The following PPP4R1 variants were observed in gnomAD, a reference collection of about 807,000 sequenced individuals.
The protein encoded by PPP4R1 is protein phosphatase 4 regulatory subunit 1, also known as serine/threonine-protein phosphatase 4 regulatory subunit 1.
Under a neutral mutation model 111.2 loss-of-function variants are expected in PPP4R1, and 42 were observed. The observed-to-expected ratio is 0.38, with a 90% confidence interval of 0.29 to 0.49. The LOEUF (loss-of-function observed/expected upper bound fraction) is 0.49, where lower values mean the gene tolerates loss of function less well. PPP4R1 is among the 20% of genes least tolerant of loss of function. The pLI is 0.97. For synonymous variants in PPP4R1, 409 were observed against 405.5 expected (o/e 1.01, Z -0.10); for missense variants, 1,012 against 1,161.6 (o/e 0.87, Z 1.87).
At chr18:9,570,023 T>C (rs981880390) in intron 11 of PPP4R1, 134 bp downstream of exon 11, 3 of 931,762 alleles carry the variant, frequency 3.2e-6, no homozygotes, top group Non-Finnish European at 4.4e-6. Context: ...GTGCTGGTAT[T>C]ATAGGTATGA....
chr18:9,607,345 A>G (rs2067497870), intron 2 of PPP4R1, among the ~76,000 whole-genome samples: 1 of 143,906 alleles, frequency 6.9e-6, no homozygotes. Context: ...TGGGCAACAG[A>G]GCCAGACCCT....
intron 4 of PPP4R1, among the ~76,000 whole-genome samples, chr18:9,592,725 T>C (rs764210375): frequency 6.7e-6 from 1 of 149,554 alleles, no homozygotes; most frequent in Non-Finnish European, 1.5e-5. Flanking sequence ...AAAACACAAA[T>C]CTATCCTTAA....
At chr18:9,607,929 T>C (rs1467741306) in intron 2 of PPP4R1, among the ~76,000 whole-genome samples, 1 of 151,832 alleles carries the variant, frequency 6.6e-6, no homozygotes, top group Non-Finnish European at 1.5e-5. Context: ...ATTACAGGCA[T>C]GCACCACCAC....
chr18:9,547,752 C>T lies in PPP4R1; in HGVS notation c.*37G>A. ...GGCGAATGCCCACTGAACCTCGGCTCTCATGGAAGCAGGAAAGACACCGAG... is the reference window on the plus strand; with the variant it reads ...GGCGAATGCCCACTGAACCTCGGCTTTCATGGAAGCAGGAAAGACACCGAG... On this transcript the variant is annotated 3_prime_UTR_variant, in exon 20 of 20. Coordinates refer to ENST00000400556, the MANE Select transcript of PPP4R1 (RefSeq NM_001042388.3). 6.2e-7 allele frequency: 1 copy of T among 1,608,442 alleles called. No homozygotes were observed.
intron 3 of PPP4R1, 71 bp from the exon 4 acceptor site, chr18:9,593,945 G>T: frequency 8.2e-7 from 1 of 1,221,598 alleles, no homozygotes. Context: ...TTAATTTTTT[G>T]AGACAGGGCC....
chr18:9,563,828 C>T, intron 11 of PPP4R1: 1 of 242,246 alleles, frequency 4.1e-6, no homozygotes, highest in Non-Finnish European at 7.9e-6. Flanking sequence ...GTTGCTGGAG[C>T]TGCCTCCGGC....
In PPP4R1 at chr18:9,614,165, G is replaced by A. The variant is rs2067640912; in HGVS notation, c.52+61C>T. Reference sequence around the variant, plus strand: ...AGGGCCCGGCCCAGGCCTCGCCGCCGCCCGCCCTCCCCGGCCGCTCCCCGC... The same window carrying A: ...AGGGCCCGGCCCAGGCCTCGCCGCCACCCGCCCTCCCCGGCCGCTCCCCGC... On this transcript the variant is annotated intron_variant, in intron 2 of 19. Coordinates refer to ENST00000400556, the MANE Select transcript of PPP4R1 (RefSeq NM_001042388.3). This position sits in a 1 kb window ranked among gnomAD's most constrained non-coding sequence, Gnocchi z 4.1. 5.5e-6 allele frequency: 7 copies of A among 1,272,314 alleles called. No homozygotes were observed. The highest frequency in any genetic ancestry group is 6.0e-6 in the Non-Finnish European group (6 of 993,608). 78.8% of individuals were successfully genotyped at this position (1,272,314 alleles called of 1,614,324 possible). A position where few individuals can be genotyped will look rare whatever the true frequency, so the allele number is the denominator to read the frequency against.
intron 14 of PPP4R1, among the ~76,000 whole-genome samples, chr18:9,557,714 A>G (rs1451732747): frequency 1.3e-5 from 2 of 152,146 alleles, no homozygotes. Flanking sequence ...GCTCTTCCAT[A>G]CATAATTTCC....
In PPP4R1 at chr18:9,553,357, A is replaced by G; in HGVS notation, c.2256T>C (p.Asn752=). The part of the protein sequence containing the change: ...YQLQEFLVTD[N]SRNWRFRAEL... ...CAGCTCGAAACCGCCAATTTCTACTATTATCTGTCACCAAAAACTCCTGAA... is the reference window on the plus strand; with the variant it reads ...CAGCTCGAAACCGCCAATTTCTACTGTTATCTGTCACCAAAAACTCCTGAA... Residue 752 remains asparagine (N), a synonymous_variant, in exon 16 of 20, where the codon AAT becomes AAC. Coordinates refer to ENST00000400556, the MANE Select transcript of PPP4R1 (RefSeq NM_001042388.3). The G allele has an allele frequency of 6.2e-7, 1 of 1,602,204 alleles. No individual in the cohort carries two copies. Among genetic ancestry groups the G allele is most frequent in the Non-Finnish European group, 8.5e-7 (1 of 1,169,664 alleles).
At chr18:9,607,939 C>G (rs144315699) in intron 2 of PPP4R1, among the ~76,000 whole-genome samples, 1 of 151,898 alleles carries the variant, frequency 6.6e-6, no homozygotes, top group Non-Finnish European at 1.5e-5. Context: ...TGCACCACCA[C>G]GCCCAGCTAA....
intron 4 of PPP4R1, among the ~76,000 whole-genome samples, chr18:9,591,338 C>T: frequency 6.9e-6 from 1 of 144,558 alleles, no homozygotes; most frequent in Non-Finnish European, 1.5e-5. Context: ...CAGAGTGAGA[C>T]TCCATCTCCA....
chr18:9,546,841 T>C lies in PPP4R1; in HGVS notation c.*948A>G, dbSNP rs2066409317. The C allele has an allele frequency of 6.6e-6, 1 of 152,152 alleles. No individual in the cohort carries two copies. Among genetic ancestry groups the C allele is most frequent in the African/African-American group, 2.4e-5 (1 of 41,416 alleles). The allele number at this position is 152,152 out of a possible 1,614,324, so 9.4% of individuals were successfully genotyped here. A position where few individuals can be genotyped will look rare whatever the true frequency, so the allele number is the denominator to read the frequency against. On this transcript the variant is annotated 3_prime_UTR_variant, in exon 20 of 20. Coordinates refer to ENST00000400556, the MANE Select transcript of PPP4R1 (RefSeq NM_001042388.3). ...ATCTAGTTTCCCCACTTTAAATCAT[T>C]AATACAGGTCACAAATTGCATTTAT...
At chr18:9,553,275 A>C in intron 16 of PPP4R1, 47 bp downstream of exon 16, 3 of 1,342,340 alleles carry the variant, frequency 2.2e-6, no homozygotes, top group Non-Finnish European at 3.1e-6. Flanking sequence ...AAATGAAGTA[A>C]ATATATACCC....
At chr18:9,580,374 G>C (rs1404816446) in intron 9 of PPP4R1, among the ~76,000 whole-genome samples, 4 of 147,520 alleles carry the variant, frequency 2.7e-5, no homozygotes, top group Non-Finnish European at 6.0e-5. Flanking sequence ...TTTTGAGACA[G>C]AGTCTCGCTC....
intron 11 of PPP4R1, among the ~76,000 whole-genome samples, chr18:9,569,191 GAAA>G (rs1175501445): frequency 7.3e-4 from 39 of 53,310 alleles, no homozygotes; most frequent in Non-Finnish European, 1.4e-3. Flanking sequence ...CTCCGTCTCA[GAAA>G]AAAAAAAAAA....
At position 9,547,198 on chromosome 18, in the gene PPP4R1, C is replaced by CA. The variant is rs996403184; in HGVS notation, c.*590dup. 6.5e-6 allele frequency: 1 copy of CA among 153,206 alleles called. No homozygotes were observed. Among genetic ancestry groups the CA allele is most frequent in the Non-Finnish European group, 1.5e-5 (1 of 68,450 alleles). 9.5% of individuals were successfully genotyped at this position (153,206 alleles called of 1,614,324 possible). ...ATATGCTGCGCTTAAGAGTTTAAGT[C>CA]AATCCTACTTGTGTTGGCATCAGGT... is the stretch of plus-strand genomic sequence containing the variant. On this transcript the variant is annotated 3_prime_UTR_variant, in exon 20 of 20. Coordinates refer to ENST00000400556, the MANE Select transcript of PPP4R1 (RefSeq NM_001042388.3).
rs141535380 is a variant in PPP4R1 at position 9,573,895 on chromosome 18, T to C, written c.1046+3169A>G. ...TTGTCCAAACTTAAAACTCTTAGAA[T>C]GATTTTTTTAAAAGGAAACTAGAAG... On this transcript the variant is annotated intron_variant, in intron 10 of 19. Coordinates refer to ENST00000400556, the MANE Select transcript of PPP4R1 (RefSeq NM_001042388.3). 1.8e-4 allele frequency among the ~76,000 whole-genome samples: 27 copies of C among 152,358 alleles called. No homozygotes were observed. The East Asian group carries it at 4.2e-3, about 24-fold the overall frequency.
At chr18:9,584,852 A>AAGG in intron 6 of PPP4R1, 24 bp from the exon 7 acceptor site, 1 of 1,528,938 alleles carries the variant, frequency 6.5e-7, no homozygotes, top group East Asian at 2.3e-5. Context: ...GAACAAACAC[A>AAGG]CACTGAAAAT....
At chr18:9,560,827 A>C (rs1029293380) in intron 13 of PPP4R1, among the ~76,000 whole-genome samples, 3 of 151,772 alleles carry the variant, frequency 2.0e-5, no homozygotes, top group Non-Finnish European at 2.9e-5. Context: ...TCGCCACTGC[A>C]CTCCAGCCTG....
Sources: gnomAD v4.1 joint callset for allele counts (sites outside exome capture counted in the v4.1 genomes callset) on GRCh38, gnomAD v4.1.1 for gene constraint, Gnocchi (gnomAD v3.1) non-coding constraint, MANE v1.5 for transcripts, NCBI Gene and HGNC (gene_info 2026-07-23, HGNC 2026-07-21) for gene names.